The following CIB3 variants were observed in gnomAD, a reference collection of about 807,000 sequenced individuals.
CIB3 encodes the protein calcium and integrin-binding family member 3.
Under a neutral mutation model 23.4 loss-of-function variants are expected in CIB3, and 22 were observed. That is an observed-to-expected ratio of 0.94 (90% confidence interval 0.67 to 1.34). CIB3 has a LOEUF of 1.34. CIB3 is among the 40% of genes most tolerant of loss of function. The pLI is 0.00. For synonymous variants in CIB3, 93 were observed against 95.8 expected (o/e 0.97, Z 0.17); for missense variants, 258 against 247.3 (o/e 1.04, Z -0.29).
chr19:16,167,700 C>A (rs2091311542), intron 4 of CIB3, among the ~76,000 whole-genome samples: 1 of 152,082 alleles, frequency 6.6e-6, no homozygotes, highest in Non-Finnish European at 1.5e-5. Flanking sequence ...GGCGTGATGG[C>A]ACCTGCCTGT....
Position 16,161,493 on chromosome 19 carries a change from G to A in CIB3, c.543-7C>T, listed in dbSNP as rs1461739192. ...GATTCGGATGTGGAAGGTGCTGTGTGCAGAGAGAAAAGGAGTCAAGGCCTT... is the reference window on the plus strand; with the variant it reads ...GATTCGGATGTGGAAGGTGCTGTGTACAGAGAGAAAAGGAGTCAAGGCCTT... On this transcript the variant is annotated splice_region_variant and splice_polypyrimidine_tract_variant and intron_variant, in intron 5 of 5. Transcript: ENST00000269878. 1 of 1,613,880 alleles carries A rather than the reference G, an allele frequency of 6.2e-7. No homozygotes were observed. The highest frequency in any genetic ancestry group is 1.1e-5 in the South Asian group (1 of 91,070).
intron 2 of CIB3, among the ~76,000 whole-genome samples, chr19:16,172,566 A>G (rs1271110633): frequency 6.6e-6 from 1 of 152,192 alleles, no homozygotes; most frequent in Non-Finnish European, 1.5e-5. Flanking sequence ...AGACTGGGAC[A>G]GTATGACAAG....
intron 5 of CIB3, among the ~76,000 whole-genome samples, chr19:16,163,015 G>A (rs1454101007): frequency 6.7e-6 from 1 of 149,546 alleles, no homozygotes; most frequent in Non-Finnish European, 1.5e-5. Context: ...TCAGCCTCCC[G>A]AGTAGCTGGG....
intron 5 of CIB3, among the ~76,000 whole-genome samples, chr19:16,162,337 T>C (rs2091288057): frequency 6.6e-6 from 1 of 151,218 alleles, no homozygotes; most frequent in Non-Finnish European, 1.5e-5. Context: ...GGTGGGAGGA[T>C]TGCTCTTGAG....
rs1431060888 is a variant in CIB3, at chr19:16,169,622, G to A, written c.198+8C>T. The A allele has an allele frequency of 1.2e-6, 2 of 1,610,866 alleles. No individual in the cohort carries two copies. Among genetic ancestry groups the A allele is most frequent in the South Asian group, 2.2e-5 (2 of 90,754 alleles). On this transcript the variant is annotated splice_region_variant and intron_variant, in intron 3 of 5. Coordinates refer to ENST00000269878, the MANE Select transcript of CIB3 (RefSeq NM_054113.4). ...TTTTACCCTGTTTGTCCCATGGCCT[G>A]GGCATACCTTCAGCTCGGGCATGCT...
In CIB3 at chr19:16,168,304, T is replaced by G; in HGVS notation, c.199-20A>C. ...GTTGTCCTGGGGACAGAAAGGAAGC[T>G]GGGAGGCCATCCTCTGACCCCCAAG... is the stretch of plus-strand genomic sequence containing the variant. On this transcript the variant is annotated intron_variant, in intron 3 of 5. Transcript: ENST00000269878. The G allele has an allele frequency of 1.2e-6, 2 of 1,613,092 alleles. No homozygotes were observed.
chr19:16,168,445 A>C (rs1275901547), intron 3 of CIB3, among the ~76,000 whole-genome samples, 161 bp from the exon 4 acceptor site: 1 of 151,816 alleles, frequency 6.6e-6, no homozygotes, highest in African/African-American at 2.4e-5. Flanking sequence ...GGACAACTCC[A>C]CCCTCCACCC....
At position 16,161,490 on chromosome 19, in the gene CIB3, TG is replaced by T. The variant is rs1201841757; in HGVS notation, c.543-5del. On this transcript the variant is annotated splice_region_variant and splice_polypyrimidine_tract_variant and intron_variant, in intron 5 of 5. Transcript: ENST00000269878. The stretch of plus-strand genomic sequence containing the variant: ...TCAGATTCGGATGTGGAAGGTGCTG[TG>T]TGCAGAGAGAAAAGGAGTCAAGGCC... 1.9e-6 allele frequency: 3 copies of T among 1,613,932 alleles called. No homozygotes were observed. Among genetic ancestry groups the T allele is most frequent in the Non-Finnish European group, 1.7e-6 (2 of 1,179,982 alleles).
chr19:16,165,292 C>CAAAAAAAAAA (rs71178645), intron 4 of CIB3, among the ~76,000 whole-genome samples: 1 of 79,996 alleles, frequency 1.3e-5, no homozygotes, highest in Non-Finnish European at 2.2e-5. Flanking sequence ...AAACTCCGTC[C>CAAAAAAAAAA]AAAAAAAAAA....
rs2091312882 is a variant in CIB3 at position 16,168,104 on chromosome 19, C to T, written c.346+33G>A. On this transcript the variant is annotated intron_variant, in intron 4 of 5. Coordinates refer to ENST00000269878, the MANE Select transcript of CIB3 (RefSeq NM_054113.4). ...CCAGTTCCCACTCCCCACCCCATCC[C>T]CATGCTTCCCAACCCCAGGGCCACG... The T allele has an allele frequency of 2.5e-6, 4 of 1,580,718 alleles. No homozygotes were observed. The African/African-American group carries it at 4.0e-5, about 16-fold the overall frequency.
intron 5 of CIB3, among the ~76,000 whole-genome samples, chr19:16,164,093 C>T (rs1213348084): frequency 6.6e-6 from 1 of 152,140 alleles, no homozygotes; most frequent in African/African-American, 2.4e-5. Flanking sequence ...GCCTCAGCCT[C>T]CCAAGTAGCT....
chr19:16,170,323 G>T (rs1211229850), intron 2 of CIB3, among the ~76,000 whole-genome samples: 2 of 152,180 alleles, frequency 1.3e-5, no homozygotes, highest in Non-Finnish European at 2.9e-5. Flanking sequence ...TGGAAGAGGG[G>T]ACATTGGTTC....
chr19:16,169,961 G>A (rs1437261598), intron 2 of CIB3, among the ~76,000 whole-genome samples: 7 of 152,090 alleles, frequency 4.6e-5, no homozygotes, highest in Admixed American at 1.3e-4. Context: ...TGCCACGCCC[G>A]GCTAATTCTT....
intron 2 of CIB3, among the ~76,000 whole-genome samples, chr19:16,171,351 C>T (rs142812835): frequency 5.3e-5 from 8 of 152,230 alleles, no homozygotes; most frequent in African/African-American, 1.9e-4. Flanking sequence ...GAAGCCCTCA[C>T]CTGTGACACC....
At chr19:16,168,084 T>TA in intron 4 of CIB3, 53 bp downstream of exon 4, 1 of 1,540,696 alleles carries the variant, frequency 6.5e-7, no homozygotes, top group Non-Finnish European at 8.8e-7. Flanking sequence ...CCCACCCAGT[T>TA]CCCACTCCCC....
intron 3 of CIB3, 51 bp from the exon 4 acceptor site, chr19:16,168,335 TG>T (rs1366112719): frequency 2.5e-6 from 4 of 1,602,846 alleles, no homozygotes; most frequent in Admixed American, 1.7e-5. Context: ...CCAAGGTCTC[TG>T]GGGTCCATGT....
chr19:16,162,301 G>A (rs557537109), intron 5 of CIB3, among the ~76,000 whole-genome samples: 3 of 150,466 alleles, frequency 2.0e-5, no homozygotes, highest in South Asian at 2.1e-4. Flanking sequence ...GTGTGTGCCC[G>A]TACTCCCAGC....
rs1473652491 is a variant in CIB3 at position 16,168,294 on chromosome 19, G to C, written c.199-10C>G. ...GGCGGAAGGGGTTGTCCTGGGGACA[G>C]AAAGGAAGCTGGGAGGCCATCCTCT... On this transcript the variant is annotated splice_polypyrimidine_tract_variant and intron_variant, in intron 3 of 5. Coordinates refer to ENST00000269878, the MANE Select transcript of CIB3 (RefSeq NM_054113.4). 5 of 1,613,382 alleles carry C rather than the reference G, an allele frequency of 3.1e-6. No homozygotes were observed. The highest frequency in any genetic ancestry group is 4.2e-6 in the Non-Finnish European group (5 of 1,179,810).
chr19:16,169,742 C>T lies in CIB3; in HGVS notation c.87-1G>A. The T allele has an allele frequency of 6.2e-7, 1 of 1,601,640 alleles. No homozygotes were observed. The highest frequency in any genetic ancestry group is 8.5e-7 in the Non-Finnish European group (1 of 1,174,276). The stretch of plus-strand genomic sequence containing the variant: ...CAGGTCCTGGTAGCGATAGAAGAGC[C>T]TGATGTGGGGAGGAAAAAGCTGGGA... On this transcript the variant is annotated splice_acceptor_variant, in intron 2 of 5. Transcript: ENST00000269878. LOFTEE classifies it high-confidence loss of function.
Sources: gnomAD v4.1 joint callset for allele counts (sites outside exome capture counted in the v4.1 genomes callset) on GRCh38, gnomAD v4.1.1 for gene constraint, MANE v1.5 for transcripts, NCBI Gene and HGNC (gene_info 2026-07-23, HGNC 2026-07-21) for gene names.